PUM3: variants seen among roughly 807,000 people sequenced by gnomAD.
PUM3 encodes the protein pumilio RNA binding family member 3.
A neutral mutation model predicts 84.0 loss-of-function variants in PUM3; 91 were observed. The ratio of observed to expected loss-of-function variants is 1.08; its 90% confidence interval spans 0.91 to 1.29. The LOEUF (loss-of-function observed/expected upper bound fraction) is 1.29, where lower values mean the gene tolerates loss of function less well. PUM3 is among the 50% of genes most tolerant of loss of function. PUM3 has a pLI of 0.00. For missense variants in PUM3, 1,067 were observed against 767.5 expected, an observed-to-expected ratio of 1.39 and a Z score of -4.61; for synonymous variants, 321 against 266.7, an observed-to-expected ratio of 1.20 and a Z score of -1.98.
chr9:2,838,184 G>A (rs1816178663), intron 2 of PUM3, among the ~76,000 whole-genome samples: 1 of 152,142 alleles, frequency 6.6e-6, no homozygotes, highest in Admixed American at 6.5e-5. Flanking sequence ...AATAAAATGA[G>A]GCAACAGCAG....
At chr9:2,826,248 A>G (rs1328218636) in intron 10 of PUM3, among the ~76,000 whole-genome samples, 1 of 152,196 alleles carries the variant, frequency 6.6e-6, no homozygotes, top group East Asian at 1.9e-4. Context: ...ACCACTGAAT[A>G]TATTCAAATA....
Position 2,816,251 on chromosome 9 carries a change from A to C in PUM3, c.1269+3767T>G, listed in dbSNP as rs147032694. ...TAAAAAGTTAAAACTAAGAGATTTA[A>C]CTAATGGATAACAGAAATATAGAGG... On this transcript the variant is annotated intron_variant, in intron 13 of 17. Coordinates refer to ENST00000397885, the MANE Select transcript of PUM3 (RefSeq NM_014878.5). Among the ~76,000 whole-genome samples the C allele has an allele frequency of 1.3e-3, 193 of 152,346 alleles. 1 individual carries two copies. The highest frequency in any genetic ancestry group is 4.3e-3 in the African/African-American group (179 of 41,574).
chr9:2,823,804 T>A lies in PUM3; in HGVS notation c.1165A>T (p.Thr389Ser), dbSNP rs149194557. The A allele has an allele frequency of 3.9e-6, 6 of 1,520,886 alleles. No homozygotes were observed. The highest frequency in any genetic ancestry group is 5.4e-6 in the Non-Finnish European group (6 of 1,113,718). 94.2% of individuals were successfully genotyped at this position (1,520,886 alleles called of 1,614,324 possible). ...ACATTAGCCACCTTTTCAACATAAG[T>A]CTTCATTGTTTTCACAATCACTTTC... ...DRKVIVKTMK[T>S]YVEKVANGQY... Residue 389 changes from threonine to serine, a missense_variant, in exon 12 of 18, where the codon ACT becomes TCT. By Grantham distance (58) the Thr-to-Ser change is moderately conservative. Transcript: ENST00000397885.
rs1173323407 is a variant in PUM3, at chr9:2,829,947, T to C, written c.679A>G (p.Ser227Gly). 3 of 1,604,694 alleles carry C rather than the reference T, an allele frequency of 1.9e-6. No individual in the cohort carries two copies. The East Asian group carries it at 6.7e-5, about 36-fold the overall frequency. ...NIVKKFLMYG[S>G]KPQIAEIIRS... ...ATTATCTCTGCAATCTGTGGTTTAC[T>C]TCTAAACGCAACACAATCATGGAAA... The change falls in exon 8 of 18, where the codon AGT becomes GGT. Residue 227 changes from serine (S) to glycine (G), a missense_variant and splice_region_variant. By Grantham distance (56) the Ser-to-Gly change is moderately conservative. Transcript: ENST00000397885.
intron 10 of PUM3, among the ~76,000 whole-genome samples, chr9:2,825,560 G>A (rs771514228): frequency 2.6e-5 from 4 of 151,648 alleles, no homozygotes; most frequent in Non-Finnish European, 5.9e-5. Context: ...TTGGCTTACT[G>A]CAACCTCCAC....
Position 2,831,342 on chromosome 9 carries a change from A to T in PUM3, c.519T>A (p.Ile173=), listed in dbSNP as rs1352352593. The T allele has an allele frequency of 6.3e-7, 1 of 1,597,658 alleles. No individual in the cohort carries two copies. Among genetic ancestry groups the T allele is most frequent in the East Asian group, 2.2e-5 (1 of 44,682 alleles). The change falls in exon 6 of 18, where the codon ATT becomes ATA. Residue 173 remains isoleucine, a splice_region_variant and synonymous_variant. Transcript: ENST00000397885. ...CACGAGTTGAATCGTGTGCAAATGC[A>T]ATCTGCAGGAAAAAGTTTGAGTTAG... ...QKLIQGKIKT[I]AFAHDSTRVI... is the part of the protein sequence containing the mutation.
intron 1 of PUM3, among the ~76,000 whole-genome samples, chr9:2,840,417 G>A (rs1341850326): frequency 6.6e-6 from 1 of 152,152 alleles, no homozygotes; most frequent in African/African-American, 2.4e-5. Flanking sequence ...TGGAGAATAT[G>A]TAGACATCCT....
In PUM3 at chr9:2,834,102, G is replaced by C. The variant is rs1816058681; in HGVS notation, c.369C>G (p.Ser123Arg). The change falls in exon 4 of 18, where the codon AGC becomes AGG. Residue 123 changes from serine (S) to arginine (R), a missense_variant. Coordinates refer to ENST00000397885, the MANE Select transcript of PUM3 (RefSeq NM_014878.5). ...FKKKKKELKQSRQLSDKTNYD... is the reference protein window; with the variant it reads ...FKKKKKELKQRRQLSDKTNYD... ...AGTTGGTTTTATCACTGAGTTGTCT[G>C]CTTTGCTTCAGTTCTTTCTTCTTCT... 3 of 1,613,600 alleles carry C rather than the reference G, an allele frequency of 1.9e-6. No individual in the cohort carries two copies. The highest frequency in any genetic ancestry group is 2.5e-6 in the Non-Finnish European group (3 of 1,179,694).
At chr9:2,830,730 G>A (rs568430763) in intron 7 of PUM3, among the ~76,000 whole-genome samples, 56 of 152,120 alleles carry the variant, frequency 3.7e-4, no homozygotes, top group Admixed American at 6.5e-4. Flanking sequence ...AAGGAGATTT[G>A]CAGGACATTT....
chr9:2,831,477 C>T (rs1276526809), intron 5 of PUM3, 133 bp from the exon 6 acceptor site: 2 of 638,084 alleles, frequency 3.1e-6, no homozygotes, highest in African/African-American at 3.8e-5. Context: ...ACCTAGATTA[C>T]TGAGAACTAC....
chr9:2,825,018 A>G (rs1382354674), intron 10 of PUM3, among the ~76,000 whole-genome samples: 2 of 152,184 alleles, frequency 1.3e-5, no homozygotes, highest in Admixed American at 6.5e-5. Flanking sequence ...AGCAGTAAAT[A>G]CTGCTGGCAG....
Position 2,811,372 on chromosome 9 carries a change from T to C in PUM3, c.1624A>G (p.Lys542Glu), listed in dbSNP as rs758604090. ...LAATGLHPGG[K>E]DGELHIAEHP... ...TAATGGCACATTACCTCTCCGTCCT[T>C]GCCACCAGGATGCAGTCCTGTTGCT... Residue 542 changes from lysine (K) to glutamate (E), a missense_variant, in exon 15 of 18, where the codon AAG (lysine) becomes GAG (glutamate). Transcript: ENST00000397885. 2 of 1,614,050 alleles carry C rather than the reference T, an allele frequency of 1.2e-6. No individual in the cohort carries two copies. Among genetic ancestry groups the C allele is most frequent in the Non-Finnish European group, 1.7e-6 (2 of 1,180,028 alleles).
At position 2,838,532 on chromosome 9, in the gene PUM3, C is replaced by G. The variant is rs1563836667; in HGVS notation, c.-10-15G>C. 6.5e-7 allele frequency: 1 copy of G among 1,534,802 alleles called. No individual in the cohort carries two copies. Among genetic ancestry groups the G allele is most frequent in the Non-Finnish European group, 9.0e-7 (1 of 1,108,126 alleles). On this transcript the variant is annotated splice_polypyrimidine_tract_variant and intron_variant, in intron 1 of 17. Transcript: ENST00000397885. The stretch of plus-strand genomic sequence containing the variant: ...TCGTAGCAACTCTGGAAAACCAAAA[C>G]CAAAACCAAAAACAATCACTGCAGT...
In PUM3 at chr9:2,811,396, C is replaced by T. The variant is rs762428206; in HGVS notation, c.1600G>A (p.Ala534Thr). 2.5e-6 allele frequency: 4 copies of T among 1,614,026 alleles called. No individual in the cohort carries two copies. The highest frequency in any genetic ancestry group is 2.7e-5 in the African/African-American group (2 of 74,914). ...PTMNAIASLA[A>T]TGLHPGGKDG... is the part of the protein sequence containing the mutation. Reference sequence around the variant, plus strand: ...TTGCCACCAGGATGCAGTCCTGTTGCTGCCAAGCTGGCGATGGCATTCATG... The same window carrying T: ...TTGCCACCAGGATGCAGTCCTGTTGTTGCCAAGCTGGCGATGGCATTCATG... Residue 534 changes from alanine (A) to threonine (T), a missense_variant, in exon 15 of 18, where the codon GCA becomes ACA. Transcript: ENST00000397885.
chr9:2,836,421 C>T (rs556409365), intron 3 of PUM3, among the ~76,000 whole-genome samples: 1 of 152,302 alleles, frequency 6.6e-6, no homozygotes, highest in South Asian at 2.1e-4. Context: ...CAAAGCACGA[C>T]AGCGGAATGT....
rs1274023085 is a variant in PUM3, at chr9:2,812,274, T to A, written c.1358A>T (p.His453Leu). The A allele has an allele frequency of 1.2e-6, 2 of 1,613,226 alleles. No individual in the cohort carries two copies. Among genetic ancestry groups the A allele is most frequent in the African/African-American group, 1.3e-5 (1 of 74,900 alleles). Residue 453 changes from histidine (H) to leucine (L), a missense_variant, in exon 14 of 18, where the codon CAT becomes CTT. By Grantham distance (99) the His-to-Leu change is moderately conservative. Transcript: ENST00000397885. ...AACTTCAATGATTTCTCGTACTGTA[T>A]GTGCAGGATCTCTGGGGCTTAGTAA... ...LYLLSPRDPA[H>L]TVREIIEVLQ...
intron 15 of PUM3, among the ~76,000 whole-genome samples, chr9:2,810,975 G>A (rs962908519): frequency 2.0e-5 from 3 of 152,144 alleles, no homozygotes; most frequent in Non-Finnish European, 2.9e-5. Context: ...GGAGGCAACC[G>A]GCTCAGTCTC....
chr9:2,836,874 C>T (rs1419557672), intron 3 of PUM3, among the ~76,000 whole-genome samples: 1 of 151,878 alleles, frequency 6.6e-6, no homozygotes, highest in Non-Finnish European at 1.5e-5. Flanking sequence ...AATACTCGTT[C>T]GATGAACGAA....
chr9:2,812,139 G>T, intron 14 of PUM3, 81 bp downstream of exon 14: 1 of 1,182,806 alleles, frequency 8.5e-7, no homozygotes, highest in South Asian at 1.3e-5. Context: ...GGGTATGGAT[G>T]GGTAAGTGGA....
Sources: allele counts gnomAD v4.1 joint callset (sites outside exome capture counted in the v4.1 genomes callset), GRCh38; gene constraint gnomAD v4.1.1; transcripts MANE v1.5; gene names NCBI Gene and HGNC (gene_info 2026-07-23, HGNC 2026-07-21).